TBXAS1: variants seen among roughly 807,000 people sequenced by gnomAD.
TBXAS1 encodes thromboxane-A synthase.
A neutral mutation model predicts 60.7 loss-of-function variants in TBXAS1; 48 were observed. That is an observed-to-expected ratio of 0.79 (90% CI 0.63 to 1.01). The LOEUF is 1.01. TBXAS1 is among the 50% of genes least tolerant of loss of function. The pLI is 0.00. For synonymous variants in TBXAS1, 287 were observed against 269.7 expected (o/e 1.06, Z -0.63); for missense variants, 685 against 686.3 (o/e 1.00, Z 0.02).
chr7:139,870,618 G>T (rs1039824908), intron 1 of TBXAS1, among the ~76,000 whole-genome samples: 1 of 152,158 alleles, frequency 6.6e-6, no homozygotes, highest in East Asian at 1.9e-4. Context: ...TGGCGTTCAC[G>T]TGTGGCTCTT....
intron 5 of TBXAS1, among the ~76,000 whole-genome samples, chr7:139,939,946 T>C (rs1808148628): frequency 6.6e-6 from 1 of 152,196 alleles, no homozygotes; most frequent in African/African-American, 2.4e-5. Flanking sequence ...AACCAATGTA[T>C]GTCTGTTTCA....
In TBXAS1 at chr7:139,916,177, T is replaced by A. The variant is rs1053390270; in HGVS notation, c.333+4856T>A. 6.6e-6 allele frequency among the ~76,000 whole-genome samples: 1 copy of A among 152,096 alleles called. No individual in the cohort carries two copies. Among genetic ancestry groups the A allele is most frequent in the Non-Finnish European group, 1.5e-5 (1 of 68,012 alleles). ...AATATCTGTGGAAAATGGAGCTGAG[T>A]CCACATGACTCAGCAGAAATGGTCA... is the stretch of plus-strand genomic sequence containing the variant. On this transcript the variant is annotated intron_variant, in intron 4 of 12. Transcript: ENST00000448866. The surrounding 1 kb of genome is among the most constrained non-coding windows in gnomAD (Gnocchi z 4.2).
Position 139,872,293 on chromosome 7 carries a change from T to C in TBXAS1, c.148T>C (p.Ser50Pro), listed in dbSNP as rs1316940679. 1.2e-6 allele frequency: 2 copies of C among 1,613,918 alleles called. No individual in the cohort carries two copies. The highest frequency in any genetic ancestry group is 2.7e-5 in the African/African-American group (2 of 74,888). ...GTTAGGCCTCAGACATCCCAAGCCT[T>C]CTCCTTTCATTGGAAACTTGACATT... ...EKLGLRHPKP[S>P]PFIGNLTFFR... The change falls in exon 2 of 13, where the codon TCT (serine) becomes CCT (proline). Residue 50 changes from serine to proline, a missense_variant. Coordinates refer to ENST00000448866, the MANE Select transcript of TBXAS1 (RefSeq NM_001061.7).
intron 11 of TBXAS1, chr7:140,016,314 C>G (rs1815066259): frequency 4.5e-6 from 1 of 223,740 alleles, no homozygotes. Flanking sequence ...GGTGACAGAG[C>G]AAGACTCTGT....
At chr7:140,009,038 C>A (rs1214489415) in intron 10 of TBXAS1, among the ~76,000 whole-genome samples, 1 of 152,170 alleles carries the variant, frequency 6.6e-6, no homozygotes. Context: ...CTTCCTGGAC[C>A]TAAACTCAGC....
chr7:139,967,345 C>T (rs916719301), intron 9 of TBXAS1, among the ~76,000 whole-genome samples: 1 of 152,268 alleles, frequency 6.6e-6, no homozygotes, highest in African/African-American at 2.4e-5. Flanking sequence ...TGGCCCACCT[C>T]TATGAGTGGC....
At chr7:139,907,494 G>T (rs543835975) in intron 3 of TBXAS1, among the ~76,000 whole-genome samples, 20 of 152,172 alleles carry the variant, frequency 1.3e-4, no homozygotes, top group African/African-American at 4.6e-4. Flanking sequence ...ATCTTTGGCT[G>T]GTTTTGGTAT....
upstream of TBXAS1, among the ~76,000 whole-genome samples, chr7:139,827,654 C>T (rs1798476690): frequency 6.6e-6 from 1 of 152,094 alleles, no homozygotes; most frequent in South Asian, 2.1e-4. Flanking sequence ...CTCCTTTTAC[C>T]AGTTCTTGTA....
chr7:139,930,032 C>T (rs778560037), intron 4 of TBXAS1, among the ~76,000 whole-genome samples: 11 of 152,154 alleles, frequency 7.2e-5, no homozygotes, highest in Non-Finnish European at 1.6e-4. Flanking sequence ...ACACACAGGC[C>T]CCCATGCCCT....
At chr7:140,015,896 TGTGA>T (rs759679652) in intron 11 of TBXAS1, 36 bp downstream of exon 11, 8 of 1,612,208 alleles carry the variant, frequency 5.0e-6, no homozygotes, top group Non-Finnish European at 6.8e-6. Flanking sequence ...TCTGAAGGGA[TGTGA>T]GTGTGTGGGA....
chr7:139,910,283 C>G (rs1011819384), intron 3 of TBXAS1, among the ~76,000 whole-genome samples: 2 of 152,156 alleles, frequency 1.3e-5, no homozygotes, highest in African/African-American at 4.8e-5. Context: ...AGTTAGAGTT[C>G]ACGCCACCAG....
intron 4 of TBXAS1, among the ~76,000 whole-genome samples, chr7:139,808,052 C>T (rs1004812481): frequency 2.0e-5 from 3 of 152,124 alleles, no homozygotes; most frequent in African/African-American, 7.2e-5. Context: ...AAACCCTCAG[C>T]CAGGTGTGGT....
intron 2 of TBXAS1, 129 bp from the exon 3 acceptor site, chr7:139,875,456 T>C: frequency 2.4e-6 from 2 of 818,718 alleles, no homozygotes; most frequent in Non-Finnish European, 4.1e-6. Flanking sequence ...CTGAAAGCAA[T>C]ATAACTTCCA....
At position 140,016,132 on chromosome 7, in the gene TBXAS1, T is replaced by C. The variant is rs35903524; in HGVS notation, c.1364+272T>C. Among the ~76,000 whole-genome samples, 54,952 of 151,686 alleles carry C rather than the reference T, an allele frequency of 0.36. 11,423 individuals are homozygous for C. Among genetic ancestry groups the C allele is most frequent in the East Asian group, 0.56 (2,867 of 5,134 alleles). On this transcript the variant is annotated intron_variant, in intron 11 of 12. Transcript: ENST00000448866. Reference sequence around the variant, plus strand: ...TCACGAGGTCAGGAGATCGAGACCATCCTGGCTAACACGGTGAAACCCCAT... The same window carrying C: ...TCACGAGGTCAGGAGATCGAGACCACCCTGGCTAACACGGTGAAACCCCAT...
rs546415545 is a variant in TBXAS1 at position 139,850,944 on chromosome 7, T to G, written c.90-21291T>G. On this transcript the variant is annotated intron_variant, in intron 1 of 12. Coordinates refer to ENST00000448866, the MANE Select transcript of TBXAS1 (RefSeq NM_001061.7). ...ATGTCTTGACCTCAGAATTCTGAACTCCAGAATGATGAGAGGATAATTTCT... is the reference window on the plus strand; with the variant it reads ...ATGTCTTGACCTCAGAATTCTGAACGCCAGAATGATGAGAGGATAATTTCT... Among the ~76,000 whole-genome samples the G allele has an allele frequency of 1.1e-3, 162 of 152,262 alleles. 1 individual carries two copies. Among genetic ancestry groups the G allele is most frequent in the South Asian group, 2.5e-3 (12 of 4,816 alleles).
chr7:139,846,285 C>A (rs573273872), intron 1 of TBXAS1, among the ~76,000 whole-genome samples: 17 of 152,222 alleles, frequency 1.1e-4, no homozygotes, highest in Admixed American at 7.2e-4. Flanking sequence ...CCTTTCCACA[C>A]TTTCTATAAT....
At chr7:139,901,817 A>G (rs889174646) in intron 3 of TBXAS1, among the ~76,000 whole-genome samples, 3 of 151,964 alleles carry the variant, frequency 2.0e-5, no homozygotes, top group African/African-American at 7.3e-5. Flanking sequence ...CTTGCATCAG[A>G]ATCTGAGAGC....
intron 5 of TBXAS1, among the ~76,000 whole-genome samples, chr7:139,938,328 C>T (rs1469158235): frequency 7.2e-5 from 11 of 152,088 alleles, no homozygotes; most frequent in Admixed American, 6.5e-4. Flanking sequence ...AATTCTCATT[C>T]GCTTGGTTTG....
chr7:139,913,824 C>G (rs776158476), intron 4 of TBXAS1: 3 of 152,302 alleles, frequency 2.0e-5, no homozygotes, highest in Non-Finnish European at 4.4e-5. Context: ...ATTTAAGGGC[C>G]CTTGTGTCTT....
Sources: allele counts gnomAD v4.1 joint callset (sites outside exome capture counted in the v4.1 genomes callset), GRCh38; gene constraint gnomAD v4.1.1; non-coding constraint Gnocchi (gnomAD v3.1); transcripts MANE v1.5; gene names NCBI Gene and HGNC (gene_info 2026-07-23, HGNC 2026-07-21).